ADK: variants seen among roughly 807,000 people sequenced by gnomAD.
The protein encoded by ADK is N6,N6-dimethyladenosine kinase.
In ADK, 24 loss-of-function variants were observed where a neutral mutation model predicts 44.7. That is an observed-to-expected ratio of 0.54 (90% CI 0.39 to 0.76). ADK has a LOEUF of 0.76. Among genes scored for constraint, ADK ranks in the 30% least tolerant of loss-of-function variants. The pLI is 0.00. For synonymous variants in ADK, 128 were observed against 142.6 expected, an observed-to-expected ratio of 0.90 and a Z score of 0.73; for missense variants, 321 against 425.1, an observed-to-expected ratio of 0.76 and a Z score of 2.15.
chr10:74,473,914 G>A (rs1190662470), intron 6 of ADK, among the ~76,000 whole-genome samples: 1 of 152,142 alleles, frequency 6.6e-6, no homozygotes, highest in East Asian at 1.9e-4. Context: ...ATAAATATTA[G>A]TGGAGAGATA....
At position 74,185,310 on chromosome 10, in the gene ADK, G is replaced by C. The variant is rs1034964603; in HGVS notation, c.66-15454G>C. On this transcript the variant is annotated intron_variant, in intron 1 of 10. Transcript: ENST00000539909. ...TACATGCTGGGCTAAGGTTTTCTGC[G>C]GGGAGGTTTTGAAATTTTCACATTT... is the stretch of plus-strand genomic sequence containing the variant. Among the ~76,000 whole-genome samples the C allele has an allele frequency of 8.5e-5, 13 of 152,224 alleles. No individual in the cohort carries two copies. In the South Asian group the frequency reaches 1.7e-3, roughly 19 times the overall value.
intron 4 of ADK, among the ~76,000 whole-genome samples, chr10:74,327,773 G>T (rs2131838753): frequency 6.6e-6 from 1 of 152,036 alleles, no homozygotes. Flanking sequence ...TACTATGATT[G>T]TTTTGTACTC....
chr10:74,640,224 A>C (rs2134094630), intron 9 of ADK, among the ~76,000 whole-genome samples: 2 of 152,332 alleles, frequency 1.3e-5, no homozygotes, highest in Middle Eastern at 6.8e-3. Flanking sequence ...CAGGGCCTTG[A>C]AAGTGGCTCT....
At chr10:74,220,457 A>G (rs1844260910) in intron 2 of ADK, among the ~76,000 whole-genome samples, 1 of 152,064 alleles carries the variant, frequency 6.6e-6, no homozygotes, top group Admixed American at 6.6e-5. Context: ...AGGAACTGGT[A>G]CCATTCCTTC....
intron 7 of ADK, among the ~76,000 whole-genome samples, chr10:74,531,488 G>A (rs1211158806): frequency 6.6e-6 from 1 of 152,162 alleles, no homozygotes; most frequent in Non-Finnish European, 1.5e-5. Context: ...TTGCTACAAA[G>A]AAACTTCAAA....
At chr10:74,556,758 C>A (rs1850262874) in intron 7 of ADK, among the ~76,000 whole-genome samples, 1 of 152,128 alleles carries the variant, frequency 6.6e-6, no homozygotes, top group African/African-American at 2.4e-5. Flanking sequence ...CTATTAGTTC[C>A]TTTTATGTCC....
intron 6 of ADK, among the ~76,000 whole-genome samples, chr10:74,412,520 T>C (rs1190572444): frequency 6.6e-6 from 1 of 152,190 alleles, no homozygotes; most frequent in African/African-American, 2.4e-5. Flanking sequence ...ACCCATCAGA[T>C]GAGTCACTAT....
In ADK at chr10:74,463,204, G is replaced by A. The variant is rs549048637; in HGVS notation, c.556-62052G>A. Among the ~76,000 whole-genome samples the A allele has an allele frequency of 2.0e-5, 3 of 152,160 alleles. No homozygotes were observed. The East Asian group carries it at 5.8e-4, about 29-fold the overall frequency. ...TTTCGTGGAAGATCATTTTCCACAGGGCAGGGTGGGGGAGGGGTGGTTTCA... is the reference window on the plus strand; with the variant it reads ...TTTCGTGGAAGATCATTTTCCACAGAGCAGGGTGGGGGAGGGGTGGTTTCA... On this transcript the variant is annotated intron_variant, in intron 6 of 10. Coordinates refer to ENST00000539909, the MANE Select transcript of ADK (RefSeq NM_006721.4).
At chr10:74,502,969 A>G (rs2133456919) in intron 6 of ADK, among the ~76,000 whole-genome samples, 4 of 152,334 alleles carry the variant, frequency 2.6e-5, no homozygotes, top group Admixed American at 2.6e-4. Flanking sequence ...AGAGGAAGCT[A>G]CACTCTCATT....
intron 8 of ADK, among the ~76,000 whole-genome samples, chr10:74,595,417 G>C (rs1160415771): frequency 0.25 from 1 of 4 alleles, no homozygotes. Context: ...GCTTTGTCAC[G>C]CCAGGCTGGA....
At chr10:74,441,673 A>G (rs868776192) in intron 6 of ADK, among the ~76,000 whole-genome samples, 4 of 152,198 alleles carry the variant, frequency 2.6e-5, no homozygotes, top group African/African-American at 9.6e-5. Context: ...TATGTATGAC[A>G]CTAAAAGCAC....
chr10:74,665,169 G>A (rs1046087638), intron 9 of ADK, among the ~76,000 whole-genome samples: 4 of 149,668 alleles, frequency 2.7e-5, no homozygotes, highest in Admixed American at 2.0e-4. Context: ...CTGGATAAAT[G>A]TTGCATAGAA....
intron 1 of ADK, among the ~76,000 whole-genome samples, chr10:74,190,204 T>C (rs1273766029): frequency 6.6e-6 from 1 of 152,250 alleles, no homozygotes; most frequent in Non-Finnish European, 1.5e-5. Flanking sequence ...GCAACAGCAA[T>C]GTATGAAGAT....
intron 6 of ADK, chr10:74,505,968 G>A (rs1185278130): frequency 6.6e-6 from 1 of 152,150 alleles, no homozygotes; most frequent in Admixed American, 6.5e-5. Flanking sequence ...TTCTTTGTCA[G>A]CAGAAGTTAC....
At chr10:74,655,536 C>G in intron 9 of ADK, 1 of 502,892 alleles carries the variant, frequency 2.0e-6, no homozygotes, top group Non-Finnish European at 4.0e-6. Flanking sequence ...AACAATGAAC[C>G]AGATGTTAAA....
intron 4 of ADK, among the ~76,000 whole-genome samples, chr10:74,321,113 T>C (rs1840792745): frequency 6.6e-6 from 1 of 152,200 alleles, no homozygotes; most frequent in Admixed American, 6.5e-5. Flanking sequence ...CAATTTAACT[T>C]ACCTATAGTA....
At chr10:74,239,770 T>C (rs1845130343) in intron 3 of ADK, among the ~76,000 whole-genome samples, 1 of 146,734 alleles carries the variant, frequency 6.8e-6, no homozygotes, top group South Asian at 2.2e-4. Context: ...TTGTATAATC[T>C]CTGGAAAAAA....
chr10:74,226,129 A>G (rs1270423588), intron 3 of ADK, among the ~76,000 whole-genome samples: 1 of 151,502 alleles, frequency 6.6e-6, no homozygotes, highest in East Asian at 1.9e-4. Flanking sequence ...TTTTTTTGAG[A>G]CAGACTCTTG....
chr10:74,254,876 G>A (rs868699403), intron 3 of ADK, among the ~76,000 whole-genome samples: 26 of 152,244 alleles, frequency 1.7e-4, no homozygotes, highest in African/African-American at 6.3e-4. Flanking sequence ...ACTGTTGAGA[G>A]TTTTATGGCT....
Sources: gnomAD v4.1 joint callset for allele counts (sites outside exome capture counted in the v4.1 genomes callset) on GRCh38, gnomAD v4.1.1 for gene constraint, MANE v1.5 for transcripts, NCBI Gene and HGNC (gene_info 2026-07-23, HGNC 2026-07-21) for gene names.